The following TLN2 variants were observed in gnomAD, a reference collection of about 807,000 sequenced individuals.
The protein encoded by TLN2 is talin-2.
TLN2 carries 118 observed loss-of-function variants against 294.7 expected under a neutral mutation model. The ratio of observed to expected loss-of-function variants is 0.40; its 90% CI spans 0.34 to 0.47. The LOEUF (loss-of-function observed/expected upper bound fraction) is 0.47, where lower values mean the gene tolerates loss of function less well. TLN2 is among the 20% of genes least tolerant of loss of function. The pLI is 0.84. For synonymous variants in TLN2, 1,431 were observed against 1,304.5 expected (o/e 1.10, Z -2.09); for missense variants, 3,083 against 3,282.2 (o/e 0.94, Z 1.48).
intron 9 of TLN2, among the ~76,000 whole-genome samples, chr15:62,663,848 C>G (rs2054204611): frequency 6.6e-6 from 1 of 151,812 alleles, no homozygotes. Flanking sequence ...GTACTTCTAC[C>G]CAAACTTACA....
intron 1 of TLN2, among the ~76,000 whole-genome samples, chr15:62,576,235 G>A (rs925789681): frequency 6.6e-6 from 1 of 150,794 alleles, no homozygotes; most frequent in African/African-American, 2.4e-5. Flanking sequence ...TTGCACTCCA[G>A]CCTGGGTGAA....
At chr15:62,738,063 A>T (rs1220270688) in intron 29 of TLN2, 151 bp from the exon 30 acceptor site, 2 of 778,012 alleles carry the variant, frequency 2.6e-6, no homozygotes, top group African/African-American at 3.5e-5. Flanking sequence ...AGGGGCCTGG[A>T]TGAGGTGATG....
At chr15:62,734,851 G>T (rs948250113) in intron 28 of TLN2, among the ~76,000 whole-genome samples, 4 of 152,116 alleles carry the variant, frequency 2.6e-5, no homozygotes, top group African/African-American at 9.7e-5. Flanking sequence ...ACACTCTATT[G>T]TATCTCAGAG....
At chr15:62,480,634 C>T (rs1250048482) in intron 1 of TLN2, among the ~76,000 whole-genome samples, 1 of 152,170 alleles carries the variant, frequency 6.6e-6, no homozygotes, top group Non-Finnish European at 1.5e-5. Context: ...AAAAGGGAAA[C>T]AGCTTTTTCC....
At chr15:62,668,130 C>T (rs2054944485) in intron 9 of TLN2, among the ~76,000 whole-genome samples, 1 of 152,044 alleles carries the variant, frequency 6.6e-6, no homozygotes, top group African/African-American at 2.4e-5. Flanking sequence ...CCTAATGTTC[C>T]TTATGTACAG....
chr15:62,797,496 T>G (rs2065582314), intron 48 of TLN2, 94 bp downstream of exon 48: 1 of 1,399,308 alleles, frequency 7.1e-7, no homozygotes, highest in Non-Finnish European at 9.4e-7. Flanking sequence ...ACAGGAACTT[T>G]TGAAGTAGAC....
chr15:62,830,188 C>T (rs2141240375), intron 54 of TLN2: 1 of 152,254 alleles, frequency 6.6e-6, no homozygotes, highest in Non-Finnish European at 1.5e-5. Flanking sequence ...TCCGTTATCC[C>T]CTTTATAAAC....
At chr15:62,566,982 T>C (rs2043455967) in intron 1 of TLN2, among the ~76,000 whole-genome samples, 1 of 152,200 alleles carries the variant, frequency 6.6e-6, no homozygotes, top group Non-Finnish European at 1.5e-5. Flanking sequence ...AGGAAAAAAT[T>C]TGTATTTTGA....
At chr15:62,667,315 G>A (rs115703975) in intron 9 of TLN2, among the ~76,000 whole-genome samples, 57 of 152,252 alleles carry the variant, frequency 3.7e-4, no homozygotes, top group African/African-American at 1.4e-3. Context: ...TGGTCCTGGG[G>A]CCACACTCTG....
At chr15:62,646,921 T>A (rs1434644029) in intron 3 of TLN2, among the ~76,000 whole-genome samples, 1 of 152,146 alleles carries the variant, frequency 6.6e-6, no homozygotes, top group African/African-American at 2.4e-5. Context: ...GCCTCTTGCC[T>A]TGAGGACATT....
chr15:62,755,708 T>C lies in TLN2; in HGVS notation c.4638+15T>C, dbSNP rs765206312. The C allele has an allele frequency of 3.0e-5, 48 of 1,613,760 alleles. No homozygotes were observed. The highest frequency in any genetic ancestry group is 1.2e-4 in the Admixed American group (7 of 59,998). On this transcript the variant is annotated intron_variant, in intron 37 of 58. Coordinates refer to ENST00000636159, the MANE Select transcript of TLN2 (RefSeq NM_015059.3). ...AGACCATCAAGGTAGGTCGCTGGAC[T>C]ACCGGCCTTATTGAACTCTGTAACT...
chr15:62,667,790 T>A (rs755489486), intron 9 of TLN2, among the ~76,000 whole-genome samples: 6 of 152,224 alleles, frequency 3.9e-5, no homozygotes, highest in African/African-American at 7.2e-5. Flanking sequence ...TCTTTTGGAA[T>A]TACTTGTAGA....
At position 62,562,316 on chromosome 15, in the gene TLN2, C is replaced by T. The variant is rs888600445; in HGVS notation, c.-237-27371C>T. Among the ~76,000 whole-genome samples, 5 of 152,070 alleles carry T rather than the reference C, an allele frequency of 3.3e-5. No homozygotes were observed. In the South Asian group the frequency reaches 6.2e-4, roughly 19 times the overall value. ...AGATTCAAGGAGCCCAGTAACTGTG[C>T]GGCAAGGCATCGTGGGACAGTTGCC... On this transcript the variant is annotated intron_variant, in intron 1 of 58. Coordinates refer to ENST00000636159, the MANE Select transcript of TLN2 (RefSeq NM_015059.3).
At chr15:62,832,444 C>A (rs1446650513) in intron 54 of TLN2, 3 of 9,124 alleles carry the variant, frequency 3.3e-4, no homozygotes, top group Non-Finnish European at 4.7e-3. Flanking sequence ...TCTAATCTGA[C>A]CACCCCCCGG....
chr15:62,755,747 G>A (rs948808949), intron 37 of TLN2, 54 bp downstream of exon 37: 3 of 1,596,382 alleles, frequency 1.9e-6, no homozygotes, highest in African/African-American at 2.7e-5. Context: ...GTTCTGGCGG[G>A]GGAAGGGGAA....
At chr15:62,557,789 C>T (rs2042692497) in intron 1 of TLN2, among the ~76,000 whole-genome samples, 1 of 152,224 alleles carries the variant, frequency 6.6e-6, no homozygotes, top group Admixed American at 6.5e-5. Flanking sequence ...GATCCACCCA[C>T]CTTGGCCTCC....
chr15:62,725,027 C>T lies in TLN2; in HGVS notation c.3178C>T (p.Gln1060Ter). The T allele has an allele frequency of 6.2e-7, 1 of 1,613,628 alleles. No homozygotes were observed. Among genetic ancestry groups the T allele is most frequent in the South Asian group, 1.1e-5 (1 of 91,050 alleles). The change falls in exon 27 of 59, where the codon CAG (glutamine) becomes TAG (stop). Residue 1060 changes from glutamine to a stop codon, truncating the protein, a stop_gained. Transcript: ENST00000636159. LOFTEE classifies it high-confidence loss of function. ...MEIDSALNTV[Q>*]TLKNELQDAK... is the part of the protein sequence containing the mutation. ...AATCGATTCAGCTCTGAATACGGTG[C>T]AGACGCTTAAGAATGAACTGCAGGA... is the stretch of plus-strand genomic sequence containing the variant.
intron 1 of TLN2, among the ~76,000 whole-genome samples, chr15:62,548,024 T>C (rs1346171841): frequency 2.6e-5 from 4 of 152,228 alleles, no homozygotes; most frequent in Non-Finnish European, 5.9e-5. Context: ...TGCAAGGGGT[T>C]GCAAACATAT....
intron 24 of TLN2, among the ~76,000 whole-genome samples, chr15:62,718,563 C>A (rs916826474): frequency 1.3e-5 from 2 of 152,202 alleles, no homozygotes; most frequent in African/African-American, 4.8e-5. Context: ...TTCTCTGAGG[C>A]CAGCCCTACT....
Sources: gnomAD v4.1 joint callset for allele counts (sites outside exome capture counted in the v4.1 genomes callset) on GRCh38, gnomAD v4.1.1 for gene constraint, MANE v1.5 for transcripts, NCBI Gene and HGNC (gene_info 2026-07-23, HGNC 2026-07-21) for gene names.